The following CADPS2 variants were observed in gnomAD, a reference collection of about 807,000 sequenced individuals.
The protein encoded by CADPS2 is calcium-dependent secretion activator 2.
In CADPS2, 93 loss-of-function variants were observed where a neutral mutation model predicts 172.5. That is an observed-to-expected ratio of 0.54 (90% CI 0.46 to 0.64). CADPS2 has a LOEUF of 0.64. Among genes scored for constraint, CADPS2 ranks in the 30% least tolerant of loss-of-function variants. The pLI is 0.00. For synonymous variants in CADPS2, 546 were observed against 555.2 expected, an observed-to-expected ratio of 0.98 and a Z score of 0.23; for missense variants, 1,420 against 1,565.9, an observed-to-expected ratio of 0.91 and a Z score of 1.57.
intron 6 of CADPS2, chr7:122,585,677 C>A (rs1011216788): frequency 9.9e-5 from 15 of 152,034 alleles, no homozygotes; most frequent in African/African-American, 3.6e-4. Context: ...TATTGCCTTT[C>A]TCCACTTCTC....
intron 2 of CADPS2, among the ~76,000 whole-genome samples, chr7:122,723,679 T>C (rs2090749621): frequency 6.6e-6 from 1 of 152,142 alleles, no homozygotes; most frequent in Admixed American, 6.6e-5. Context: ...CATTACTGGG[T>C]ATATACCCAC....
At chr7:122,517,126 C>T (rs1279518339) in intron 8 of CADPS2, among the ~76,000 whole-genome samples, 1 of 152,122 alleles carries the variant, frequency 6.6e-6, no homozygotes, top group Non-Finnish European at 1.5e-5. Context: ...TCCAGAACAA[C>T]ATATAATTGG....
At position 122,439,598 on chromosome 7, in the gene CADPS2, C is replaced by T. The variant is rs146759758; in HGVS notation, c.2353-1134G>A. ...TTGACAACATTTTTTAAAGGCTACT[C>T]TTTGATGACATTTTAAATATTTTGT... On this transcript the variant is annotated intron_variant, in intron 16 of 29. Transcript: ENST00000449022. Among the ~76,000 whole-genome samples, 4 of 152,224 alleles carry T rather than the reference C, an allele frequency of 2.6e-5. No homozygotes were observed. In the East Asian group the frequency reaches 7.7e-4, roughly 29 times the overall value.
At chr7:122,364,413 TAAAAAAAAA>T (rs916412439) in intron 25 of CADPS2, among the ~76,000 whole-genome samples, 18 of 77,900 alleles carry the variant, frequency 2.3e-4, no homozygotes, top group Admixed American at 2.0e-3. Flanking sequence ...TGTCTCAAGT[TAAAAAAAAA>T]AAAAAAAAAA....
At chr7:122,478,357 A>C (rs1365997634) in intron 12 of CADPS2, among the ~76,000 whole-genome samples, 2 of 152,230 alleles carry the variant, frequency 1.3e-5, no homozygotes, top group African/African-American at 4.8e-5. Context: ...GTATACTGCA[A>C]AACTGTCATA....
intron 20 of CADPS2, among the ~76,000 whole-genome samples, chr7:122,399,227 C>A (rs1293094154): frequency 6.6e-6 from 1 of 152,140 alleles, no homozygotes. Flanking sequence ...GAATGGCACA[C>A]ATAATTTGAG....
intron 2 of CADPS2, among the ~76,000 whole-genome samples, chr7:122,687,632 T>C (rs1389766610): frequency 6.6e-6 from 1 of 152,210 alleles, no homozygotes; most frequent in Non-Finnish European, 1.5e-5. Flanking sequence ...TAAGGGAATG[T>C]AGCAACACCT....
chr7:122,409,632 T>C (rs1267249108), intron 19 of CADPS2: 2 of 471,072 alleles, frequency 4.2e-6, no homozygotes, highest in East Asian at 6.9e-5. Flanking sequence ...CTCCTAATGA[T>C]GGCTAAATAA....
Position 122,885,990 on chromosome 7 carries a change from G to C in CADPS2, c.339+9C>G, listed in dbSNP as rs1416067336. ...GTGGTGGTAGGAGGCGCCCGGTCCC[G>C]CAACTCACCTTCTGCTGCCTCCGGG... is the stretch of plus-strand genomic sequence containing the variant. On this transcript the variant is annotated intron_variant, in intron 1 of 29. Transcript: ENST00000449022. 5 of 1,598,828 alleles carry C rather than the reference G, an allele frequency of 3.1e-6. No homozygotes were observed. The highest frequency in any genetic ancestry group is 1.7e-5 in the Admixed American group (1 of 58,088).
intron 20 of CADPS2, among the ~76,000 whole-genome samples, chr7:122,405,871 T>C (rs2046579977): frequency 6.6e-6 from 1 of 152,194 alleles, no homozygotes; most frequent in Admixed American, 6.5e-5. Flanking sequence ...GTATTTATTG[T>C]GTTATATGTG....
rs560626637 is a variant in CADPS2, at chr7:122,623,652, T to C, written c.868-1935A>G. Among the ~76,000 whole-genome samples the C allele has an allele frequency of 2.0e-5, 3 of 152,306 alleles. No homozygotes were observed. The South Asian group carries it at 6.2e-4, about 32-fold the overall frequency. On this transcript the variant is annotated intron_variant, in intron 4 of 29. Transcript: ENST00000449022. ...TTAAACCCCATTAATCTTACCTTAG[T>C]AATGCCCCCAAACACCTAGTTTCTC...
At chr7:122,755,764 T>C (rs938541672) in intron 1 of CADPS2, among the ~76,000 whole-genome samples, 1 of 151,866 alleles carries the variant, frequency 6.6e-6, no homozygotes, top group Non-Finnish European at 1.5e-5. Context: ...AGATATTTCA[T>C]AAACAAGGCC....
intron 1 of CADPS2, among the ~76,000 whole-genome samples, chr7:122,795,883 T>C (rs537529893): frequency 6.6e-5 from 10 of 152,178 alleles, no homozygotes; most frequent in African/African-American, 2.4e-4. Flanking sequence ...GAGAAAGCAA[T>C]ATAGGGCATC....
intron 3 of CADPS2, among the ~76,000 whole-genome samples, chr7:122,644,959 T>C (rs993216265): frequency 6.6e-6 from 1 of 152,064 alleles, no homozygotes. Context: ...AGAACAGTTA[T>C]AAGGGTCTTA....
intron 15 of CADPS2, among the ~76,000 whole-genome samples, chr7:122,444,459 G>A (rs1268477875): frequency 6.6e-6 from 1 of 152,112 alleles, no homozygotes; most frequent in African/African-American, 2.4e-5. Flanking sequence ...CCACAACTGT[G>A]TCAACACTTG....
At chr7:122,677,521 A>G (rs1448308444) in intron 2 of CADPS2, among the ~76,000 whole-genome samples, 1 of 152,172 alleles carries the variant, frequency 6.6e-6, no homozygotes, top group Non-Finnish European at 1.5e-5. Context: ...ATCAATATTT[A>G]AGGCAGAGAG....
chr7:122,653,094 G>C (rs1588147186), intron 3 of CADPS2, among the ~76,000 whole-genome samples: 1 of 152,288 alleles, frequency 6.6e-6, no homozygotes, highest in East Asian at 1.9e-4. Flanking sequence ...GCCCTGGCAA[G>C]GCTCCCTTCC....
intron 18 of CADPS2, among the ~76,000 whole-genome samples, chr7:122,415,478 T>A (rs1250232625): frequency 6.6e-6 from 1 of 151,856 alleles, no homozygotes; most frequent in African/African-American, 2.4e-5. Context: ...CACTCAGTGT[T>A]AACTAACTGC....
At chr7:122,681,689 C>T (rs2083063683) in intron 2 of CADPS2, 3 of 1,016,900 alleles carry the variant, frequency 3.0e-6, no homozygotes, top group Non-Finnish European at 4.4e-6. Flanking sequence ...AGACTGAAGA[C>T]AGGTTATTCT....
Sources: gnomAD v4.1 joint callset for allele counts (sites outside exome capture counted in the v4.1 genomes callset) on GRCh38, gnomAD v4.1.1 for gene constraint, MANE v1.5 for transcripts, NCBI Gene and HGNC (gene_info 2026-07-23, HGNC 2026-07-21) for gene names.